KIF21A: variants seen among roughly 807,000 people sequenced by gnomAD.
KIF21A encodes the protein kinesin-like protein KIF21A.
Under a neutral mutation model 202.9 loss-of-function variants are expected in KIF21A, and 114 were observed. The ratio of observed to expected loss-of-function variants is 0.56; its 90% CI spans 0.48 to 0.66. KIF21A has a LOEUF of 0.66. Among genes scored for constraint, KIF21A ranks in the 30% least tolerant of loss-of-function variants. KIF21A has a pLI of 0.00. For synonymous variants in KIF21A, 667 were observed against 670.8 expected, an observed-to-expected ratio of 0.99 and a Z score of 0.09; for missense variants, 1,677 against 1,994.9, an observed-to-expected ratio of 0.84 and a Z score of 3.04.
chr12:39,311,421 T>G lies in KIF21A; in HGVS notation c.4092A>C (p.Ser1364=), dbSNP rs768269574. Residue 1364 remains serine (S), a synonymous_variant, in exon 32 of 38, where the codon TCA becomes TCC. Coordinates refer to ENST00000361418, the MANE Select transcript of KIF21A (RefSeq NM_001173464.2). The part of the protein sequence containing the change: ...DSTDDLLFTG[S]KDRTCKVWNL... Reference sequence around the variant, plus strand: ...GCATTAGATAACTACTAGCACCTTTTGATCCAGTGAAGAGGAGATCATCAG... The same window carrying G: ...GCATTAGATAACTACTAGCACCTTTGGATCCAGTGAAGAGGAGATCATCAG... 6.2e-7 allele frequency: 1 copy of G among 1,612,876 alleles called. No homozygotes were observed. The highest frequency in any genetic ancestry group is 1.1e-5 in the South Asian group (1 of 91,056).
rs755489118 is a variant in KIF21A, at chr12:39,367,892, TGTATTCACA to T, written c.582_590del (p.Val195_Thr197del). On this transcript the variant is annotated inframe_deletion, in exon 4 of 38. Coordinates refer to ENST00000361418, the MANE Select transcript of KIF21A (RefSeq NM_001173464.2). ...ATAATATAAATATTACCTCTGATTC[TGTATTCACA>T]GTACGTGTTGTAACGCCCACAGTAT... is the stretch of plus-strand genomic sequence containing the variant. 1 of 1,608,146 alleles carries T rather than the reference TGTATTCACA, an allele frequency of 6.2e-7. No individual in the cohort carries two copies. Among genetic ancestry groups the T allele is most frequent in the Non-Finnish European group, 8.5e-7 (1 of 1,175,068 alleles).
intron 1 of KIF21A, among the ~76,000 whole-genome samples, chr12:39,396,041 G>C (rs145099133): frequency 5.6e-4 from 85 of 152,010 alleles, no homozygotes; most frequent in African/African-American, 1.8e-3. Context: ...TCCCGCTTAG[G>C]GGGAGGCACG....
chr12:39,327,523 T>G (rs1380613623), intron 24 of KIF21A, among the ~76,000 whole-genome samples: 1 of 152,202 alleles, frequency 6.6e-6, no homozygotes, highest in Non-Finnish European at 1.5e-5. Context: ...TTTCCATGTG[T>G]TTTAACAGCA....
chr12:39,421,772 T>C (rs919379063), intron 1 of KIF21A, among the ~76,000 whole-genome samples: 3 of 147,018 alleles, frequency 2.0e-5, no homozygotes, highest in African/African-American at 7.4e-5. Flanking sequence ...TTTATTTATA[T>C]ATAAAAATAA....
chr12:39,332,768 G>A (rs758917964), intron 19 of KIF21A, 24 bp from the exon 20 acceptor site: 1 of 1,613,082 alleles, frequency 6.2e-7, no homozygotes, highest in South Asian at 1.1e-5. Flanking sequence ...AAACAGACAA[G>A]CTCAATTACT....
intron 11 of KIF21A, among the ~76,000 whole-genome samples, chr12:39,351,148 C>T (rs1354411803): frequency 6.6e-6 from 1 of 152,032 alleles, no homozygotes; most frequent in Non-Finnish European, 1.5e-5. Flanking sequence ...CTCTCCTTTG[C>T]ACCCGGTTGA....
At position 39,369,742 on chromosome 12, in the gene KIF21A, G is replaced by A. The variant is rs1949828944; in HGVS notation, c.437C>T (p.Ala146Val). Reference protein sequence around the residue: ...GLPAPDFKVNAQFLELYNEEV... With the variant: ...GLPAPDFKVNVQFLELYNEEV... Reference sequence around the variant, plus strand: ...TTGGATTATTACCTCTAAGAATTGGGCATTCACTTTAAAATCTGGAGCAGG... The same window carrying A: ...TTGGATTATTACCTCTAAGAATTGGACATTCACTTTAAAATCTGGAGCAGG... Residue 146 changes from alanine (A) to valine (V), a missense_variant, in exon 3 of 38, where the codon GCC becomes GTC. Around this residue, in one of 3 missense-constraint regions of KIF21A, gnomAD observed 966 missense variants for 1,180.9 expected, o/e 0.82. Coordinates refer to ENST00000361418, the MANE Select transcript of KIF21A (RefSeq NM_001173464.2). 6.8e-6 allele frequency: 11 copies of A among 1,611,776 alleles called. No homozygotes were observed. Among genetic ancestry groups the A allele is most frequent in the Non-Finnish European group, 9.3e-6 (11 of 1,179,024 alleles).
Position 39,370,258 on chromosome 12 carries a change from T to C in KIF21A, c.48A>G (p.Ile16Met), listed in dbSNP as rs753835660. The change falls in exon 2 of 38, where the codon ATA (isoleucine) becomes ATG (methionine). Residue 16 changes from isoleucine (I) to methionine (M), a missense_variant. Physicochemically the swap from Ile to Met is conservative, Grantham distance 10 (BLOSUM62 1). Coordinates refer to ENST00000361418, the MANE Select transcript of KIF21A (RefSeq NM_001173464.2). Reference protein sequence around the residue: ...DESSVRVAVRIRPQLAKEKIE... With the variant: ...DESSVRVAVRMRPQLAKEKIE... ...TCTTCTCTTTGGCAAGCTGTGGTCTTATTCTGTGAGAAATAATCAGAAAAG... is the reference window on the plus strand; with the variant it reads ...TCTTCTCTTTGGCAAGCTGTGGTCTCATTCTGTGAGAAATAATCAGAAAAG... 4.5e-5 allele frequency: 72 copies of C among 1,606,476 alleles called. No homozygotes were observed. The highest frequency in any genetic ancestry group is 6.0e-5 in the Non-Finnish European group (71 of 1,173,954).
chr12:39,431,999 T>G (rs1937986875), intron 1 of KIF21A, among the ~76,000 whole-genome samples: 1 of 152,232 alleles, frequency 6.6e-6, no homozygotes, highest in Admixed American at 6.5e-5. Context: ...TGCAATCTCA[T>G]GTTTAATTAG....
chr12:39,436,422 T>TTATA (rs1199818833), intron 1 of KIF21A, among the ~76,000 whole-genome samples: 2,996 of 99,048 alleles, frequency 0.03, 143 homozygotes, highest in Admixed American at 0.098. Context: ...GTTTACTATA[T>TTATA]TATATATATA....
In KIF21A at chr12:39,302,664, C is replaced by T. The variant is rs535191040; in HGVS notation, c.4731+301G>A. On this transcript the variant is annotated intron_variant, in intron 36 of 37. Coordinates refer to ENST00000361418, the MANE Select transcript of KIF21A (RefSeq NM_001173464.2). The stretch of plus-strand genomic sequence containing the variant: ...AACAAAAGCAAAACAAAATGAGAAA[C>T]TGCAACTGCTCTACTCCCAGGCTGA... Among the ~76,000 whole-genome samples the T allele has an allele frequency of 5.9e-5, 9 of 152,240 alleles. No homozygotes were observed. The East Asian group carries it at 1.7e-3, about 29-fold the overall frequency.
In KIF21A at chr12:39,337,171, T is replaced by C; in HGVS notation, c.2343A>G (p.Gln781=). ...VRLMKQMKEE[Q]EKARLTESRR... The stretch of plus-strand genomic sequence containing the variant: ...TAGACTCAGTCAGTCTGGCTTTCTC[T>C]TGTTCTTCTTTCATTTGTTTCATTA... Residue 781 remains glutamine, a synonymous_variant, in exon 17 of 38, where the codon CAA becomes CAG. Transcript: ENST00000361418. 1 of 1,612,346 alleles carries C rather than the reference T, an allele frequency of 6.2e-7. No individual in the cohort carries two copies. Among genetic ancestry groups the C allele is most frequent in the South Asian group, 1.1e-5 (1 of 91,044 alleles).
chr12:39,326,631 C>G (rs1388329194), intron 24 of KIF21A, among the ~76,000 whole-genome samples: 1 of 152,132 alleles, frequency 6.6e-6, no homozygotes, highest in Admixed American at 6.5e-5. Context: ...ATGTACGTAT[C>G]CTGTACCATC....
chr12:39,382,874 C>CT (rs1007172326), intron 1 of KIF21A, among the ~76,000 whole-genome samples: 190 of 152,112 alleles, frequency 1.2e-3, no homozygotes, highest in African/African-American at 4.2e-3. Context: ...TTGCTTCAAC[C>CT]TTTTTTTTAC....
At chr12:39,367,262 G>T in intron 4 of KIF21A, 98 bp from the exon 5 acceptor site, 1 of 1,253,484 alleles carries the variant, frequency 8.0e-7, no homozygotes, top group South Asian at 1.2e-5. Context: ...CCATGTTAAG[G>T]GATATAAAAG....
intron 33 of KIF21A, among the ~76,000 whole-genome samples, chr12:39,309,022 T>C (rs1015243688): frequency 6.6e-6 from 1 of 152,192 alleles, no homozygotes; most frequent in Non-Finnish European, 1.5e-5. Flanking sequence ...TCACTTGTTC[T>C]ACACTTTTAA....
intron 16 of KIF21A, among the ~76,000 whole-genome samples, chr12:39,339,235 C>CAAAAAAAAAAAA (rs35065621): frequency 7.7e-6 from 1 of 130,562 alleles, no homozygotes. Flanking sequence ...GACTCCCTCT[C>CAAAAAAAAAAAA]AAAAAAAAAA....
chr12:39,367,814 A>G, intron 4 of KIF21A, 69 bp downstream of exon 4: 1 of 1,213,808 alleles, frequency 8.2e-7, no homozygotes, highest in Non-Finnish European at 1.2e-6. Context: ...TCTTAAGCAG[A>G]TTATCAGCAA....
Position 39,363,164 on chromosome 12 carries a change from G to A in KIF21A, c.953C>T (p.Ala318Val), listed in dbSNP as rs1344951736. 1 of 1,613,254 alleles carries A rather than the reference G, an allele frequency of 6.2e-7. No homozygotes were observed. Among genetic ancestry groups the A allele is most frequent in the African/African-American group, 1.3e-5 (1 of 74,980 alleles). The change falls in exon 7 of 38, where the codon GCC becomes GTC. Residue 318 changes from alanine to valine, a missense_variant. This residue lies in a region of KIF21A where 966 missense variants were observed against 1,180.9 expected (regional missense o/e 0.82). Coordinates refer to ENST00000361418, the MANE Select transcript of KIF21A (RefSeq NM_001173464.2). Reference protein sequence around the residue: ...ISALGDKSKRATHVPYRDSKL... With the variant: ...ISALGDKSKRVTHVPYRDSKL... ...GGAATCTCTATAGGGGACATGTGTG[G>A]CCCTCTTGCTCTTGTCTCCCAAGGC... is the stretch of plus-strand genomic sequence containing the variant.
Sources: allele counts gnomAD v4.1 joint callset (sites outside exome capture counted in the v4.1 genomes callset), GRCh38; gene constraint gnomAD v4.1.1; regional missense constraint gnomAD v4.1.1; transcripts MANE v1.5; gene names NCBI Gene and HGNC (gene_info 2026-07-23, HGNC 2026-07-21).